The following F10 variants were observed in gnomAD, a reference collection of about 807,000 sequenced individuals.
F10 encodes coagulation factor X.
A neutral mutation model predicts 37.1 loss-of-function variants in F10; 29 were observed. That is an observed-to-expected ratio of 0.78 (90% CI 0.58 to 1.07). F10 has a LOEUF of 1.07. Among genes scored for constraint, F10 ranks in the 50% least tolerant of loss-of-function variants. F10 has a pLI of 0.00. For missense variants in F10, 539 were observed against 667.9 expected (o/e 0.81, Z 2.13); for synonymous variants, 262 against 268.6 (o/e 0.98, Z 0.24).
intron 2 of F10, among the ~76,000 whole-genome samples, chr13:113,137,789 G>A (rs1022554274): frequency 6.6e-6 from 1 of 152,118 alleles, no homozygotes; most frequent in African/African-American, 2.4e-5. Flanking sequence ...GCCTCTGTGT[G>A]ACTTTTTCTG....
At chr13:113,132,828 A>T (rs2036446377) in intron 2 of F10, among the ~76,000 whole-genome samples, 1 of 152,246 alleles carries the variant, frequency 6.6e-6, no homozygotes, top group African/African-American at 2.4e-5. Context: ...AAATTCCTCA[A>T]GGTAGACTAT....
chr13:113,141,196 G>C lies in F10; in HGVS notation c.502+146G>C. ...ACCAAGAGGACAGGACTGAGCCCTG[G>C]GCTCCGGGCCCAGGTGGTTCAAACA... On this transcript the variant is annotated intron_variant, in intron 5 of 7. Coordinates refer to ENST00000375559, the MANE Select transcript of F10 (RefSeq NM_000504.4). The surrounding 1 kb of genome is among the most constrained non-coding windows in gnomAD (Gnocchi z 5.4). 1.7e-6 allele frequency: 2 copies of C among 1,177,438 alleles called. No individual in the cohort carries two copies. Among genetic ancestry groups the C allele is most frequent in the Non-Finnish European group, 2.4e-6 (2 of 830,990 alleles). The allele number at this position is 1,177,438 out of a possible 1,614,324, so 72.9% of individuals were successfully genotyped here.
Position 113,128,886 on chromosome 13 carries a change from GAAAAAAAAAAAA to G in F10, c.71-552_71-541del, listed in dbSNP as rs778396585. The G allele has an allele frequency of 6.9e-3, 309 of 44,838 alleles. 3 individuals carry two copies. Among genetic ancestry groups the G allele is most frequent in the African/African-American group, 0.021 (278 of 13,152 alleles). 2.8% of individuals were successfully genotyped at this position (44,838 alleles called of 1,614,324 possible). On this transcript the variant is annotated intron_variant, in intron 1 of 7. Transcript: ENST00000375559. ...ACAGAGCAAAACACCATCTTAAAGAGAAAAAAAAAAAAAAAAAAAAAAAAAGGTGCTAGACTC... is the reference window on the plus strand; with the variant it reads ...ACAGAGCAAAACACCATCTTAAAGAGAAAAAAAAAAAAAGGTGCTAGACTC...
intron 1 of F10, among the ~76,000 whole-genome samples, chr13:113,127,885 A>G (rs1170964968): frequency 1.3e-5 from 2 of 152,164 alleles, no homozygotes; most frequent in African/African-American, 4.8e-5. Flanking sequence ...GCCAAAGCAC[A>G]GAACAGTGGG....
Position 113,139,251 on chromosome 13 carries a change from C to G in F10, c.257-106C>G. ...AGTTGTTTACAGAGAAACCGGAAGA[C>G]TCTTCCAGTTATCTGAACGGCAGGG... On this transcript the variant is annotated intron_variant, in intron 3 of 7. Coordinates refer to ENST00000375559, the MANE Select transcript of F10 (RefSeq NM_000504.4). This position sits in a 1 kb window ranked among gnomAD's most constrained non-coding sequence, Gnocchi z 5.2. The G allele has an allele frequency of 1.2e-6, 1 of 849,576 alleles. No homozygotes were observed. Among genetic ancestry groups the G allele is most frequent in the African/African-American group, 1.7e-5 (1 of 59,710 alleles). 52.6% of individuals were successfully genotyped at this position (849,576 alleles called of 1,614,324 possible).
At chr13:113,147,525 G>C (rs762406771) in intron 7 of F10, 29 bp downstream of exon 7, 17 of 1,383,094 alleles carry the variant, frequency 1.2e-5, no homozygotes, top group Non-Finnish European at 1.7e-5. Flanking sequence ...CCAGGGCCGT[G>C]GTGAGGGGCA....
At position 113,139,916 on chromosome 13, in the gene F10, T is replaced by G. The variant is rs1460697601; in HGVS notation, c.370+446T>G. ...GTGAATATTTGTGATTGGCCAATTATAAAAATTTGATACATTTAATTAGTT... is the reference window on the plus strand; with the variant it reads ...GTGAATATTTGTGATTGGCCAATTAGAAAAATTTGATACATTTAATTAGTT... On this transcript the variant is annotated intron_variant, in intron 4 of 7. Coordinates refer to ENST00000375559, the MANE Select transcript of F10 (RefSeq NM_000504.4). The surrounding 1 kb of genome is among the most constrained non-coding windows in gnomAD (Gnocchi z 5.2). 6.6e-6 allele frequency among the ~76,000 whole-genome samples: 1 copy of G among 152,216 alleles called. No individual in the cohort carries two copies. The highest frequency in any genetic ancestry group is 1.5e-5 in the Non-Finnish European group (1 of 68,040).
At chr13:113,129,726 C>T in intron 2 of F10, 114 bp downstream of exon 2, 2 of 1,416,442 alleles carry the variant, frequency 1.4e-6, no homozygotes, top group South Asian at 1.2e-5. Flanking sequence ...GCAGCGTGCG[C>T]GAAGGCTTTC....
chr13:113,144,168 C>G lies in F10; in HGVS notation c.747+73C>G. On this transcript the variant is annotated intron_variant, in intron 6 of 7. Transcript: ENST00000375559. The surrounding 1 kb of genome is among the most constrained non-coding windows in gnomAD (Gnocchi z 6.4). ...CGCTGTGCACCTCGGGGAGGCCAGC[C>G]TGACACTTGGAATAGCAATCCGGGA... 6.2e-7 allele frequency: 1 copy of G among 1,602,876 alleles called. No individual in the cohort carries two copies. Among genetic ancestry groups the G allele is most frequent in the Non-Finnish European group, 8.5e-7 (1 of 1,175,358 alleles).
rs569051446 is a variant in F10 at position 113,140,592 on chromosome 13, A to C, written c.371-327A>C. On this transcript the variant is annotated intron_variant, in intron 4 of 7. Coordinates refer to ENST00000375559, the MANE Select transcript of F10 (RefSeq NM_000504.4). ...GCATGTTGATCTTTGCACTGTGATTACTTTTTCATCAAAAGCCACACAGAG... is the reference window on the plus strand; with the variant it reads ...GCATGTTGATCTTTGCACTGTGATTCCTTTTTCATCAAAAGCCACACAGAG... The C allele has an allele frequency of 8.5e-5, 47 of 551,948 alleles. No homozygotes were observed. The East Asian group carries it at 1.9e-3, about 23-fold the overall frequency. 34.2% of individuals were successfully genotyped at this position (551,948 alleles called of 1,614,324 possible).
In F10 at chr13:113,149,143, G is replaced by A. The variant is rs1566922696; in HGVS notation, c.1093G>A (p.Gly365Arg). The change falls in exon 8 of 8, where the codon GGG becomes AGG. Residue 365 changes from glycine (G) to arginine (R), a missense_variant. Around this residue, in one of 2 missense-constraint regions of F10, gnomAD observed 409 missense variants for 547.9 expected, o/e 0.75. Coordinates refer to ENST00000375559, the MANE Select transcript of F10 (RefSeq NM_000504.4). The surrounding 1 kb of genome is among the most constrained non-coding windows in gnomAD (Gnocchi z 7.5). ...GAAGACGGGGATTGTGAGCGGCTTCGGGCGCACCCACGAGAAGGGCCGGCA... is the reference window on the plus strand; with the variant it reads ...GAAGACGGGGATTGTGAGCGGCTTCAGGCGCACCCACGAGAAGGGCCGGCA... ...TQKTGIVSGF[G>R]RTHEKGRQST... The A allele has an allele frequency of 1.9e-6, 3 of 1,612,820 alleles. No individual in the cohort carries two copies. The highest frequency in any genetic ancestry group is 1.7e-5 in the Admixed American group (1 of 59,984).
Position 113,143,905 on chromosome 13 carries a change from A to C in F10, c.557A>C (p.Gln186Pro). 6.2e-7 allele frequency: 1 copy of C among 1,613,418 alleles called. No homozygotes were observed. Residue 186 changes from glutamine to proline, a missense_variant, in exon 6 of 8, where the codon CAG becomes CCG. Physicochemically the swap from Gln to Pro is moderately conservative, Grantham distance 76 (BLOSUM62 -1). Coordinates refer to ENST00000375559, the MANE Select transcript of F10 (RefSeq NM_000504.4). The surrounding 1 kb of genome is among the most constrained non-coding windows in gnomAD (Gnocchi z 6.8). ...TLERRKRSVA[Q>P]ATSSSGEAPD... ...GAACGCAGGAAGAGGTCAGTGGCCC[A>C]GGCCACCAGCAGCAGCGGGGAGGCC...
intron 4 of F10, 169 bp from the exon 5 acceptor site, chr13:113,140,750 G>A (rs1387561931): frequency 1.7e-5 from 16 of 962,826 alleles, no homozygotes; most frequent in Admixed American, 8.8e-5. Context: ...CCCGTGACCC[G>A]TGAGGTTGCC....
In F10 at chr13:113,143,712, C is replaced by A; in HGVS notation, c.503-139C>A. The A allele has an allele frequency of 1.6e-6, 2 of 1,276,168 alleles. No individual in the cohort carries two copies. Among genetic ancestry groups the A allele is most frequent in the Admixed American group, 2.3e-5 (1 of 43,566 alleles). 79.1% of individuals were successfully genotyped at this position (1,276,168 alleles called of 1,614,324 possible). On this transcript the variant is annotated intron_variant, in intron 5 of 7. Coordinates refer to ENST00000375559, the MANE Select transcript of F10 (RefSeq NM_000504.4). The surrounding 1 kb of genome is among the most constrained non-coding windows in gnomAD (Gnocchi z 6.8). Reference sequence around the variant, plus strand: ...CCCCTGCCGACGACGTGGGGCCTCGCCCTGCAAGCCCGCTGCCCCTCCGGG... The same window carrying A: ...CCCCTGCCGACGACGTGGGGCCTCGACCTGCAAGCCCGCTGCCCCTCCGGG...
chr13:113,133,692 G>C (rs772155112), intron 2 of F10, among the ~76,000 whole-genome samples: 4 of 152,124 alleles, frequency 2.6e-5, no homozygotes, highest in Non-Finnish European at 5.9e-5. Flanking sequence ...GCATTACCCT[G>C]ATGTCAAAAC....
At chr13:113,148,275 G>A (rs2036600064) in intron 7 of F10, among the ~76,000 whole-genome samples, 1 of 148,774 alleles carries the variant, frequency 6.7e-6, no homozygotes, top group African/African-American at 2.5e-5. Flanking sequence ...AGGTTGCAGT[G>A]AGCTGAGATT....
Position 113,140,963 on chromosome 13 carries a change from T to C in F10, c.415T>C (p.Phe139Leu), listed in dbSNP as rs758151487. 40 of 1,613,970 alleles carry C rather than the reference T, an allele frequency of 2.5e-5. No individual in the cohort carries two copies. Among genetic ancestry groups the C allele is most frequent in the Non-Finnish European group, 1.9e-5 (23 of 1,180,032 alleles). ...CSLDNGDCDQ[F>L]CHEEQNSVVC... Reference sequence around the variant, plus strand: ...CCTGGACAACGGGGACTGTGACCAGTTCTGCCACGAGGAACAGAACTCTGT... The same window carrying C: ...CCTGGACAACGGGGACTGTGACCAGCTCTGCCACGAGGAACAGAACTCTGT... Residue 139 changes from phenylalanine to leucine, a missense_variant, in exon 5 of 8, where the codon TTC (phenylalanine) becomes CTC (leucine). By Grantham distance (22) the Phe-to-Leu change is conservative. Coordinates refer to ENST00000375559, the MANE Select transcript of F10 (RefSeq NM_000504.4).
rs977786194 is a variant in F10 at position 113,146,062 on chromosome 13, TC to T, written c.748-1312del. ...CGCCCCCATGAATTCCCCCAGGTCT[TC>T]CCCCACCCCAGACCGTGTGGCGGGT... On this transcript the variant is annotated intron_variant, in intron 6 of 7. Coordinates refer to ENST00000375559, the MANE Select transcript of F10 (RefSeq NM_000504.4). This position sits in a 1 kb window ranked among gnomAD's most constrained non-coding sequence, Gnocchi z 4.5. Among the ~76,000 whole-genome samples the T allele has an allele frequency of 2.0e-5, 3 of 152,176 alleles. No homozygotes were observed. The highest frequency in any genetic ancestry group is 2.0e-4 in the Admixed American group (3 of 15,288).
At chr13:113,147,288 GC>G (rs2036590886) in intron 6 of F10, 90 bp from the exon 7 acceptor site, 1 of 842,200 alleles carries the variant, frequency 1.2e-6, no homozygotes, top group Non-Finnish European at 2.1e-6. Context: ...CATGGGGAGG[GC>G]CGGGCAGTGC....
Sources: gnomAD v4.1 joint callset for allele counts (sites outside exome capture counted in the v4.1 genomes callset) on GRCh38, gnomAD v4.1.1 for gene constraint, gnomAD v4.1.1 regional missense constraint, Gnocchi (gnomAD v3.1) non-coding constraint, MANE v1.5 for transcripts, NCBI Gene and HGNC (gene_info 2026-07-23, HGNC 2026-07-21) for gene names.